PDE4D: variants seen among roughly 807,000 people sequenced by gnomAD.
The protein encoded by PDE4D is phosphodiesterase 4D.
PDE4D carries 24 observed loss-of-function variants against 87.4 expected under a neutral mutation model. The ratio of observed to expected loss-of-function variants is 0.27; its 90% confidence interval spans 0.20 to 0.39. The LOEUF (loss-of-function observed/expected upper bound fraction) is 0.39, where lower values mean the gene tolerates loss of function less well. Among genes scored for constraint, PDE4D ranks in the 10% least tolerant of loss-of-function variants. PDE4D has a pLI of 1.00. For synonymous variants in PDE4D, 384 were observed against 383.2 expected (o/e 1.00, Z -0.02); for missense variants, 714 against 1,041.0 (o/e 0.69, Z 4.32).
chr5:59,346,049 C>T (rs532001168), intron 1 of PDE4D, among the ~76,000 whole-genome samples: 1 of 152,066 alleles, frequency 6.6e-6, no homozygotes, highest in Non-Finnish European at 1.5e-5. Context: ...ATAAAGAATG[C>T]ACAAAACACT....
At chr5:60,497,979 T>C (rs1749897053) in intron 1 of PDE4D, among the ~76,000 whole-genome samples, 1 of 152,164 alleles carries the variant, frequency 6.6e-6, no homozygotes, top group South Asian at 2.1e-4. Context: ...TCCATAAATT[T>C]CTCCTTGGTC....
At chr5:59,122,125 G>C (rs1459520921) in intron 5 of PDE4D, among the ~76,000 whole-genome samples, 2 of 107,336 alleles carry the variant, frequency 1.9e-5, no homozygotes, top group African/African-American at 3.8e-5. Flanking sequence ...CTGGATGACA[G>C]AGCAAGACTC....
At chr5:60,214,192 C>T (rs1743579843) in intron 1 of PDE4D, among the ~76,000 whole-genome samples, 1 of 152,140 alleles carries the variant, frequency 6.6e-6, no homozygotes, top group Admixed American at 6.5e-5. Flanking sequence ...CTCATGTAGC[C>T]TCCAGAAAGT....
intron 2 of PDE4D, among the ~76,000 whole-genome samples, chr5:60,134,599 C>T (rs1249663141): frequency 2.0e-5 from 3 of 152,180 alleles, no homozygotes; most frequent in Non-Finnish European, 4.4e-5. Context: ...CGCCAAAATC[C>T]ATGGATGCTC....
At chr5:59,128,989 T>G (rs1775903745) in intron 5 of PDE4D, among the ~76,000 whole-genome samples, 1 of 152,208 alleles carries the variant, frequency 6.6e-6, no homozygotes, top group African/African-American at 2.4e-5. Context: ...GCTGTCTCTC[T>G]CTAAATGGTA....
Position 59,172,401 on chromosome 5 carries a change from A to G in PDE4D, c.808+8194T>C, listed in dbSNP as rs1037460263. Among the ~76,000 whole-genome samples, 124 of 141,502 alleles carry G rather than the reference A, an allele frequency of 8.8e-4. 2 individuals carry two copies. Among genetic ancestry groups the G allele is most frequent in the African/African-American group, 3.2e-3 (122 of 38,404 alleles). The allele number at this position is 141,502 out of a possible 152,430, so 92.8% of individuals were successfully genotyped here. A position where few individuals can be genotyped will look rare whatever the true frequency, so the allele number is the denominator to read the frequency against. On this transcript the variant is annotated intron_variant, in intron 5 of 14. Coordinates refer to ENST00000340635, the MANE Select transcript of PDE4D (RefSeq NM_001104631.2). Reference sequence around the variant, plus strand: ...TATATTTATATAAATATATATATTTAAAGAGGTTTCAGTCCAGGCTCTGTG... The same window carrying G: ...TATATTTATATAAATATATATATTTGAAGAGGTTTCAGTCCAGGCTCTGTG...
At chr5:60,463,947 A>T (rs1747152585) in intron 1 of PDE4D, among the ~76,000 whole-genome samples, 6 of 152,184 alleles carry the variant, frequency 3.9e-5, no homozygotes, top group Admixed American at 3.9e-4. Context: ...CCTCTTTTTT[A>T]TGGACAGTCT....
At chr5:59,795,440 C>A (rs1766354543) in intron 1 of PDE4D, among the ~76,000 whole-genome samples, 1 of 152,226 alleles carries the variant, frequency 6.6e-6, no homozygotes, top group Admixed American at 6.5e-5. Flanking sequence ...ATCTCTGCGG[C>A]AAATGCATGA....
At chr5:59,589,274 A>G (rs967345314) in intron 1 of PDE4D, among the ~76,000 whole-genome samples, 3 of 152,212 alleles carry the variant, frequency 2.0e-5, no homozygotes, top group Non-Finnish European at 1.5e-5. Context: ...TATACTTTCT[A>G]AAATATTATT....
intron 1 of PDE4D, among the ~76,000 whole-genome samples, chr5:59,641,671 C>G (rs957727014): frequency 6.6e-6 from 1 of 152,196 alleles, no homozygotes; most frequent in Admixed American, 6.5e-5. Context: ...GCTCATCCCT[C>G]TGAAATGGCT....
chr5:59,671,858 T>C (rs1260500698), intron 1 of PDE4D, among the ~76,000 whole-genome samples: 1 of 152,024 alleles, frequency 6.6e-6, no homozygotes, highest in Non-Finnish European at 1.5e-5. Context: ...AGAAACCCTT[T>C]ACATTAAAAG....
chr5:59,834,646 C>G (rs961217584), intron 1 of PDE4D, among the ~76,000 whole-genome samples: 1 of 152,026 alleles, frequency 6.6e-6, no homozygotes, highest in Non-Finnish European at 1.5e-5. Context: ...GCTCTTTGAT[C>G]GTACTCTTTA....
intron 1 of PDE4D, among the ~76,000 whole-genome samples, chr5:60,202,572 G>A (rs1253898344): frequency 6.6e-6 from 1 of 151,740 alleles, no homozygotes; most frequent in African/African-American, 2.4e-5. Context: ...TAGTTAAAGA[G>A]GTACAACATG....
chr5:60,415,324 C>T (rs1285820481), intron 1 of PDE4D, among the ~76,000 whole-genome samples: 4 of 152,260 alleles, frequency 2.6e-5, no homozygotes, highest in African/African-American at 4.8e-5. Flanking sequence ...TGGCTCTCAG[C>T]GCCTCCTTGG....
At position 59,403,779 on chromosome 5, in the gene PDE4D, G is replaced by C. The variant is rs115281632; in HGVS notation, c.456-187811C>G. On this transcript the variant is annotated intron_variant, in intron 1 of 14. Coordinates refer to ENST00000340635, the MANE Select transcript of PDE4D (RefSeq NM_001104631.2). ...GTGCTACAATAAATATGGAAGTGCA[G>C]ATATATTGATTTCCTTTCTTTTGGG... 8.7e-3 allele frequency among the ~76,000 whole-genome samples: 1,319 copies of C among 151,934 alleles called. 24 individuals carry two copies. Among genetic ancestry groups the C allele is most frequent in the African/African-American group, 0.03 (1,262 of 41,522 alleles).
chr5:59,851,735 T>C (rs1004363138), intron 1 of PDE4D, among the ~76,000 whole-genome samples: 6 of 152,024 alleles, frequency 3.9e-5, no homozygotes, highest in Non-Finnish European at 8.8e-5. Context: ...GATTCTTCTG[T>C]TGGCCTTGAA....
intron 1 of PDE4D, among the ~76,000 whole-genome samples, chr5:60,212,672 C>T (rs1453518438): frequency 6.6e-6 from 1 of 152,148 alleles, no homozygotes; most frequent in Non-Finnish European, 1.5e-5. Context: ...AACCCGATTG[C>T]ACCACTTAAG....
At chr5:60,131,481 T>G (rs1454401340) in intron 2 of PDE4D, among the ~76,000 whole-genome samples, 1 of 152,234 alleles carries the variant, frequency 6.6e-6, no homozygotes. Flanking sequence ...ATGAAGTTAA[T>G]GTGTGCCAAT....
chr5:59,143,008 G>A (rs10073292), intron 5 of PDE4D, among the ~76,000 whole-genome samples: 1 of 152,004 alleles, frequency 6.6e-6, no homozygotes, highest in African/African-American at 2.4e-5. Context: ...AAAAATAACT[G>A]TATTTTTATT....
Sources: gnomAD v4.1 joint callset for allele counts (sites outside exome capture counted in the v4.1 genomes callset) on GRCh38, gnomAD v4.1.1 for gene constraint, MANE v1.5 for transcripts, NCBI Gene and HGNC (gene_info 2026-07-23, HGNC 2026-07-21) for gene names.